Variants in GRB2 observed in about 807,000 individuals in gnomAD.
The protein encoded by GRB2 is growth factor receptor bound protein 2.
GRB2 carries 2 observed loss-of-function variants against 27.4 expected under a neutral mutation model. The ratio of observed to expected loss-of-function variants is 0.07; its 90% confidence interval spans 0.03 to 0.23. The LOEUF is 0.23. GRB2 is among the 10% of genes least tolerant of loss of function. The pLI is 1.00. For synonymous variants in GRB2, 94 were observed against 99.6 expected (o/e 0.94, Z 0.33); for missense variants, 102 against 282.4 (o/e 0.36, Z 4.58).
chr17:75,326,037 A>G lies in GRB2; in HGVS notation c.177-17T>C, dbSNP rs756834243. 2.8e-5 allele frequency: 45 copies of G among 1,613,870 alleles called. No homozygotes were observed. The highest frequency in any genetic ancestry group is 3.6e-5 in the Non-Finnish European group (42 of 1,179,982). ...AAAAACCACCTAAGGAAGGAAGGCA[A>G]GCTGGTCAACATCTGCTTCCCCACA... On this transcript the variant is annotated splice_polypyrimidine_tract_variant and intron_variant, in intron 3 of 5. Transcript: ENST00000316804.
chr17:75,404,016 G>A (rs1014423134), intron 1 of GRB2, among the ~76,000 whole-genome samples: 1 of 151,848 alleles, frequency 6.6e-6, no homozygotes, highest in African/African-American at 2.4e-5. Flanking sequence ...GGGAGGCTGA[G>A]GCAGGAGAAT....
intron 2 of GRB2, among the ~76,000 whole-genome samples, chr17:75,368,698 CCATGCCCGGCT>C (rs1429671206): frequency 6.6e-6 from 1 of 151,934 alleles, no homozygotes; most frequent in African/African-American, 2.4e-5. Flanking sequence ...GCACATGCAA[CCATGCCCGGCT>C]CATTTTTTTA....
intron 2 of GRB2, among the ~76,000 whole-genome samples, chr17:75,381,897 T>G (rs973258823): frequency 2.6e-5 from 4 of 152,072 alleles, no homozygotes; most frequent in Admixed American, 6.6e-5. Context: ...CTTGCATTTT[T>G]CAAAAGAAAA....
In GRB2 at chr17:75,393,537, G is replaced by T; in HGVS notation, c.78+14C>A. 3 of 1,605,038 alleles carry T rather than the reference G, an allele frequency of 1.9e-6. No individual in the cohort carries two copies. Among genetic ancestry groups the T allele is most frequent in the South Asian group, 2.2e-5 (2 of 90,912 alleles). ...GAGAGCGATCTCAGCATTGTGCTCG[G>T]CATCAGCACTTACCTTGAGGATGTC... On this transcript the variant is annotated intron_variant, in intron 2 of 5. Coordinates refer to ENST00000316804, the MANE Select transcript of GRB2 (RefSeq NM_002086.5).
chr17:75,388,555 G>GT (rs1181729569), intron 2 of GRB2, among the ~76,000 whole-genome samples: 1 of 140,684 alleles, frequency 7.1e-6, no homozygotes, highest in Non-Finnish European at 1.5e-5. Context: ...GTTCTACAGA[G>GT]TATACTGATA....
intron 2 of GRB2, among the ~76,000 whole-genome samples, chr17:75,345,238 G>C (rs941389568): frequency 2.6e-5 from 4 of 151,876 alleles, no homozygotes; most frequent in African/African-American, 9.7e-5. Context: ...TAGAGACGGG[G>C]TTTCACCGTG....
chr17:75,352,852 C>T (rs187618998), intron 2 of GRB2, among the ~76,000 whole-genome samples: 55 of 151,130 alleles, frequency 3.6e-4, no homozygotes, highest in African/African-American at 1.3e-3. Flanking sequence ...CAAGACCGTT[C>T]TCTGGGAGAA....
At chr17:75,326,546 G>A (rs149599377) in intron 3 of GRB2, among the ~76,000 whole-genome samples, 85 of 152,362 alleles carry the variant, frequency 5.6e-4, no homozygotes, top group Middle Eastern at 3.4e-3. Context: ...CAGATAGTAT[G>A]AGGGTGCCTC....
chr17:75,341,448 A>T (rs1259124900), intron 2 of GRB2, among the ~76,000 whole-genome samples: 8 of 10,796 alleles, frequency 7.4e-4, no homozygotes, highest in South Asian at 7.8e-3. Context: ...TGACTCCATT[A>T]AAAAAAAAAA....
At chr17:75,366,666 C>T (rs1360883360) in intron 2 of GRB2, among the ~76,000 whole-genome samples, 2 of 151,880 alleles carry the variant, frequency 1.3e-5, no homozygotes, top group South Asian at 2.1e-4. Context: ...AAAAATTAGC[C>T]GGGTGTGGTA....
At chr17:75,323,317 T>A (rs993852870) in intron 4 of GRB2, among the ~76,000 whole-genome samples, 1 of 152,080 alleles carries the variant, frequency 6.6e-6, no homozygotes, top group Non-Finnish European at 1.5e-5. Context: ...CTGCTTTACA[T>A]GTTAAGACAA....
intron 4 of GRB2, among the ~76,000 whole-genome samples, chr17:75,324,507 G>GTCT (rs1555608338): frequency 2.5e-4 from 9 of 36,700 alleles, no homozygotes; most frequent in East Asian, 2.6e-3. Context: ...ACCGCACCCA[G>GTCT]TTTTTTTTTT....
intron 2 of GRB2, among the ~76,000 whole-genome samples, chr17:75,358,714 AAAAAAAAAAAAAC>A (rs1369708608): frequency 7.8e-4 from 114 of 146,442 alleles, no homozygotes; most frequent in Middle Eastern, 3.5e-3. Flanking sequence ...AAAAAAAAAA[AAAAAAAAAAAAAC>A]AAAAAATTAG....
At chr17:75,396,635 G>A (rs1307580169) in intron 1 of GRB2, among the ~76,000 whole-genome samples, 1 of 151,360 alleles carries the variant, frequency 6.6e-6, no homozygotes, top group African/African-American at 2.4e-5. Context: ...CAATCTGCCT[G>A]CCTCGGCCTC....
intron 2 of GRB2, among the ~76,000 whole-genome samples, chr17:75,352,895 G>C (rs1598232862): frequency 4.4e-5 from 6 of 135,174 alleles, no homozygotes; most frequent in African/African-American, 1.6e-4. Flanking sequence ...TTTTTTAAAA[G>C]ACATAGTTGG....
At position 75,388,589 on chromosome 17, in the gene GRB2, G is replaced by T. The variant is rs937176506; in HGVS notation, c.78+4962C>A. On this transcript the variant is annotated intron_variant, in intron 2 of 5. Transcript: ENST00000316804. ...TACTAGGACTTTAAAATAGTGGGGG[G>T]GGGGAAGAAAAACACTTTTTTTTTT... 2.8e-5 allele frequency among the ~76,000 whole-genome samples: 4 copies of T among 145,196 alleles called. No individual in the cohort carries two copies. In the East Asian group the frequency reaches 8.8e-4, roughly 32 times the overall value.
At chr17:75,351,025 G>A (rs1422305967) in intron 2 of GRB2, among the ~76,000 whole-genome samples, 2 of 152,028 alleles carry the variant, frequency 1.3e-5, no homozygotes, top group Admixed American at 1.3e-4. Context: ...TGCTCATTAG[G>A]ATGATGGTTC....
At chr17:75,327,189 C>T (rs2078504353) in intron 3 of GRB2, among the ~76,000 whole-genome samples, 1 of 150,464 alleles carries the variant, frequency 6.6e-6, no homozygotes, top group African/African-American at 2.4e-5. Context: ...GCCTCAGCCT[C>T]CCAAGTAGCT....
At chr17:75,334,422 C>T (rs574615282) in intron 2 of GRB2, among the ~76,000 whole-genome samples, 40 of 152,176 alleles carry the variant, frequency 2.6e-4, no homozygotes, top group Admixed American at 1.9e-3. Flanking sequence ...CCACCCGACT[C>T]GGCCTCCCAA....
Sources: allele counts gnomAD v4.1 joint callset (sites outside exome capture counted in the v4.1 genomes callset), GRCh38; gene constraint gnomAD v4.1.1; transcripts MANE v1.5; gene names NCBI Gene and HGNC (gene_info 2026-07-23, HGNC 2026-07-21).